Variants in LRP1B observed in about 807,000 individuals in gnomAD.
LRP1B encodes the protein low-density lipoprotein receptor-related protein 1B.
In LRP1B, 217 loss-of-function variants were observed where a neutral mutation model predicts 556.6. The observed-to-expected ratio is 0.39, with a 90% CI of 0.35 to 0.44. LRP1B has a LOEUF of 0.44. LRP1B is among the 20% of genes least tolerant of loss of function. LRP1B has a pLI of 1.00. For synonymous variants in LRP1B, 2,047 were observed against 1,865.8 expected, an observed-to-expected ratio of 1.10 and a Z score of -2.50; for missense variants, 5,053 against 5,620.8, an observed-to-expected ratio of 0.90 and a Z score of 3.23.
intron 32 of LRP1B, among the ~76,000 whole-genome samples, chr2:140,800,436 G>T (rs1690469131): frequency 6.6e-6 from 1 of 152,106 alleles, no homozygotes; most frequent in South Asian, 2.1e-4. Context: ...TATTAACTAT[G>T]TAACTGAGCA....
At chr2:141,827,403 G>T (rs1421867632) in intron 1 of LRP1B, among the ~76,000 whole-genome samples, 1 of 152,124 alleles carries the variant, frequency 6.6e-6, no homozygotes, top group Non-Finnish European at 1.5e-5. Flanking sequence ...AATAGGAGGG[G>T]AAGTCAAAAT....
intron 20 of LRP1B, 42 bp from the exon 21 acceptor site, chr2:140,923,189 AC>A (rs769071898): frequency 2.1e-6 from 3 of 1,451,006 alleles, no homozygotes; most frequent in Non-Finnish European, 2.8e-6. Context: ...GGGGGGCAAG[AC>A]AGGAGAGAAA....
rs1553507070 is a variant in LRP1B, at chr2:140,654,050, A to AAAG, written c.6799+46199_6799+46200insCTT. Among the ~76,000 whole-genome samples, 7 of 149,972 alleles carry AAAG rather than the reference A, an allele frequency of 4.7e-5. No homozygotes were observed. In the East Asian group the frequency reaches 1.2e-3, roughly 25 times the overall value. On this transcript the variant is annotated intron_variant, in intron 41 of 90. Transcript: ENST00000389484. Reference sequence around the variant, plus strand: ...CAAAAAAAAAAAAAAAAAAAAAAAAAAGAGAGAGAGTTTAACTACATTTGG... The same window carrying AAAG: ...CAAAAAAAAAAAAAAAAAAAAAAAAAAAGAGAGAGAGAGTTTAACTACATTTGG...
intron 6 of LRP1B, among the ~76,000 whole-genome samples, chr2:141,228,582 A>AGTGTGTGTGTGTGTGTGTGTGT (rs3063860): frequency 1.4e-5 from 2 of 146,292 alleles, no homozygotes; most frequent in African/African-American, 2.5e-5. Context: ...TGTGTGTATG[A>AGTGTGTGTGTGTGTGTGTGTGT]GTGTGTGTGT....
In LRP1B at chr2:141,812,316, TAA is replaced by T. The variant is rs1696384119; in HGVS notation, c.83-1917_83-1916del. Among the ~76,000 whole-genome samples the T allele has an allele frequency of 1.4e-4, 16 of 112,408 alleles. No homozygotes were observed. In the South Asian group the frequency reaches 4.1e-3, roughly 29 times the overall value. 73.7% of individuals were successfully genotyped at this position (112,408 alleles called of 152,430 possible). On this transcript the variant is annotated intron_variant, in intron 1 of 90. Transcript: ENST00000389484. ...CTGAGACTGAAAGTAGGTTTATTAG[TAA>T]TTATTAGTAATTATTAGTAATTACA...
chr2:141,069,108 G>A (rs747457587), intron 7 of LRP1B, among the ~76,000 whole-genome samples: 3 of 151,816 alleles, frequency 2.0e-5, no homozygotes, highest in South Asian at 2.1e-4. Flanking sequence ...ATTTTCAAAC[G>A]TCATTCCCTA....
intron 41 of LRP1B, among the ~76,000 whole-genome samples, chr2:140,672,913 A>G (rs1247641969): frequency 6.6e-6 from 1 of 152,216 alleles, no homozygotes; most frequent in Non-Finnish European, 1.5e-5. Context: ...AAGATCCACG[A>G]GTAACATGAT....
chr2:140,830,759 G>A (rs1691686702), intron 31 of LRP1B, among the ~76,000 whole-genome samples: 1 of 152,042 alleles, frequency 6.6e-6, no homozygotes, highest in Non-Finnish European at 1.5e-5. Context: ...AAACTAGAAA[G>A]GAAGAAGGCA....
rs796627204 is a variant in LRP1B, at chr2:140,989,175, T to TA, written c.2770+356dup. On this transcript the variant is annotated intron_variant, in intron 17 of 90. Transcript: ENST00000389484. Reference sequence around the variant, plus strand: ...AATTTATAAATTATTTTCTCAAGGTTAAAAAAAAAATCCTCCTTGTGAGAT... The same window carrying TA: ...AATTTATAAATTATTTTCTCAAGGTTAAAAAAAAAAATCCTCCTTGTGAGAT... Among the ~76,000 whole-genome samples the TA allele has an allele frequency of 7.1e-3, 1,057 of 149,704 alleles. 8 individuals carry two copies. The highest frequency in any genetic ancestry group is 0.023 in the African/African-American group (945 of 40,960).
At chr2:141,423,290 C>CTTTTTTTTTTT (rs1176569388) in intron 3 of LRP1B, among the ~76,000 whole-genome samples, 3 of 68,374 alleles carry the variant, frequency 4.4e-5, no homozygotes, top group Non-Finnish European at 5.9e-5. Flanking sequence ...ACAGCCAGAG[C>CTTTTTTTTTTT]TTTTTTTTTT....
intron 47 of LRP1B, among the ~76,000 whole-genome samples, chr2:140,527,846 A>G (rs376714263): frequency 2.6e-5 from 4 of 152,076 alleles, no homozygotes; most frequent in East Asian, 3.9e-4. Context: ...GTCTACTAGT[A>G]GTTTCTTACT....
chr2:140,486,386 C>T (rs1382666186), intron 58 of LRP1B, among the ~76,000 whole-genome samples: 1 of 151,844 alleles, frequency 6.6e-6, no homozygotes, highest in Non-Finnish European at 1.5e-5. Context: ...AAATGCAAGA[C>T]ATCTGTTTTT....
At chr2:141,234,893 G>A (rs1391503983) in intron 5 of LRP1B, among the ~76,000 whole-genome samples, 1 of 151,916 alleles carries the variant, frequency 6.6e-6, no homozygotes, top group African/African-American at 2.4e-5. Flanking sequence ...TGTGAATCAA[G>A]TTAATATCAT....
At chr2:140,436,067 G>T (rs1351524765) in intron 66 of LRP1B, among the ~76,000 whole-genome samples, 1 of 151,692 alleles carries the variant, frequency 6.6e-6, no homozygotes, top group Non-Finnish European at 1.5e-5. Flanking sequence ...AAGAGGAAAA[G>T]ATTAAATTTG....
intron 2 of LRP1B, among the ~76,000 whole-genome samples, chr2:141,624,525 AAATAC>A (rs1424541876): frequency 1.3e-5 from 2 of 152,154 alleles, no homozygotes; most frequent in Admixed American, 1.3e-4. Flanking sequence ...AGAATATTAA[AAATAC>A]AGCTGGCAAA....
chr2:141,412,406 A>G (rs908954389), intron 3 of LRP1B, among the ~76,000 whole-genome samples: 8 of 152,216 alleles, frequency 5.3e-5, no homozygotes, highest in African/African-American at 1.9e-4. Context: ...ATTTTATATA[A>G]GAATTATTCT....
At chr2:141,616,306 A>G (rs1688299162) in intron 2 of LRP1B, among the ~76,000 whole-genome samples, 1 of 151,942 alleles carries the variant, frequency 6.6e-6, no homozygotes, top group South Asian at 2.1e-4. Flanking sequence ...AAAAAAGAAA[A>G]AAAAGCTATA....
chr2:141,525,412 C>T (rs558695720), intron 2 of LRP1B, among the ~76,000 whole-genome samples: 1 of 152,070 alleles, frequency 6.6e-6, no homozygotes, highest in South Asian at 2.1e-4. Context: ...CATCCTTCTT[C>T]ACTGCTTTAG....
intron 84 of LRP1B, among the ~76,000 whole-genome samples, chr2:140,278,324 TTTAC>T (rs1219053793): frequency 6.6e-6 from 1 of 151,962 alleles, no homozygotes; most frequent in Non-Finnish European, 1.5e-5. Context: ...AATTGAACTG[TTTAC>T]TTGTGATTTT....
Sources: gnomAD v4.1 joint callset for allele counts (sites outside exome capture counted in the v4.1 genomes callset) on GRCh38, gnomAD v4.1.1 for gene constraint, MANE v1.5 for transcripts, NCBI Gene and HGNC (gene_info 2026-07-23, HGNC 2026-07-21) for gene names.